MMP13: variants seen among roughly 807,000 people sequenced by gnomAD.
MMP13 encodes collagenase 3.
Under a neutral mutation model 52.1 loss-of-function variants are expected in MMP13, and 45 were observed. The ratio of observed to expected loss-of-function variants is 0.86; its 90% CI spans 0.68 to 1.11. The LOEUF is 1.11. Among genes scored for constraint, MMP13 ranks in the 50% least tolerant of loss-of-function variants. The pLI is 0.00. For missense variants in MMP13, 576 were observed against 583.8 expected, an observed-to-expected ratio of 0.99 and a Z score of 0.14; for synonymous variants, 200 against 204.4, an observed-to-expected ratio of 0.98 and a Z score of 0.18.
intron 3 of MMP13, 48 bp downstream of exon 3, chr11:102,954,410 C>A: frequency 2.5e-6 from 4 of 1,596,452 alleles, no homozygotes; most frequent in Non-Finnish European, 3.4e-6. Context: ...AAAATGGAAC[C>A]AAGAATTAGA....
rs997305004 is a variant in MMP13 at position 102,952,904 on chromosome 11, G to A, written c.638-731C>T. Among the ~76,000 whole-genome samples, 2 of 152,064 alleles carry A rather than the reference G, an allele frequency of 1.3e-5. No individual in the cohort carries two copies. Among genetic ancestry groups the A allele is most frequent in the Non-Finnish European group, 2.9e-5 (2 of 68,010 alleles). On this transcript the variant is annotated intron_variant, in intron 4 of 9. Transcript: ENST00000260302. The surrounding 1 kb of genome is among the most constrained non-coding windows in gnomAD (Gnocchi z 4.3). ...TAAAAAACTAAAAGAAAAATAAGAA[G>A]TGCAAGGCAATAGGATTGTTGTTAC...
At chr11:102,946,902 T>C (rs1860517482) in intron 8 of MMP13, among the ~76,000 whole-genome samples, 1 of 152,150 alleles carries the variant, frequency 6.6e-6, no homozygotes, top group African/African-American at 2.4e-5. Flanking sequence ...TGTGTGAGAC[T>C]GTGTGTATGT....
intron 5 of MMP13, among the ~76,000 whole-genome samples, 192 bp from the exon 6 acceptor site, chr11:102,950,419 C>A (rs144940482): frequency 6.6e-6 from 1 of 152,054 alleles, no homozygotes; most frequent in African/African-American, 2.4e-5. Flanking sequence ...CCACTTCCAT[C>A]CTTCAAGACC....
At chr11:102,947,781 G>A (rs1187480530) in intron 8 of MMP13, 110 bp downstream of exon 8, 1 of 1,227,342 alleles carries the variant, frequency 8.1e-7, no homozygotes, top group East Asian at 2.4e-5. Flanking sequence ...GAAAATGAAT[G>A]ACTAGTATGA....
In MMP13 at chr11:102,955,494, C is replaced by G. The variant is rs1170398739; in HGVS notation, c.121-1G>C. The G allele has an allele frequency of 1.2e-6, 2 of 1,613,966 alleles. No homozygotes were observed. Among genetic ancestry groups the G allele is most frequent in the Middle Eastern group, 1.7e-4 (1 of 6,060 alleles). ...GATGGTAGTATGATCTCAGGTAGCG[C>G]TAGAAAAGACACCAAAATGAACTGC... On this transcript the variant is annotated splice_acceptor_variant, in intron 1 of 9. Transcript: ENST00000260302. LOFTEE classifies it high-confidence loss of function. The surrounding 1 kb of genome is among the most constrained non-coding windows in gnomAD (Gnocchi z 4.9).
Position 102,943,993 on chromosome 11 carries a change from T to A in MMP13, c.*273A>T. 1 of 403,628 alleles carries A rather than the reference T, an allele frequency of 2.5e-6. No homozygotes were observed. Among genetic ancestry groups the A allele is most frequent in the Non-Finnish European group, 4.7e-6 (1 of 211,850 alleles). The allele number at this position is 403,628 out of a possible 1,614,324, so 25.0% of individuals were successfully genotyped here. On this transcript the variant is annotated 3_prime_UTR_variant, in exon 10 of 10. Transcript: ENST00000260302. ...CTCATTGACAGACCATGTGTCCCATTTGTGGTGTGGGAAGTATCATCAACC... is the reference window on the plus strand; with the variant it reads ...CTCATTGACAGACCATGTGTCCCATATGTGGTGTGGGAAGTATCATCAACC...
rs150142500 is a variant in MMP13 at position 102,955,621 on chromosome 11, C to G, written c.85G>C (p.Asp29His). ...TGGAGGTCTTCCTCAGACAAATCAT[C>G]TTCATCACCACCACTGGGAAGGGGC... ...ALPLPSGGDEDDLSEEDLQFA... is the reference protein window; with the variant it reads ...ALPLPSGGDEHDLSEEDLQFA... The change falls in exon 1 of 10, where the codon GAT (aspartate) becomes CAT (histidine). Residue 29 changes from aspartate to histidine, a missense_variant. Coordinates refer to ENST00000260302, the MANE Select transcript of MMP13 (RefSeq NM_002427.4). The surrounding 1 kb of genome is among the most constrained non-coding windows in gnomAD (Gnocchi z 4.9). 3 of 1,614,056 alleles carry G rather than the reference C, an allele frequency of 1.9e-6. No homozygotes were observed. Among genetic ancestry groups the G allele is most frequent in the African/African-American group, 1.3e-5 (1 of 75,036 alleles).
intron 8 of MMP13, among the ~76,000 whole-genome samples, chr11:102,947,480 T>C (rs11827044): frequency 0.067 from 10,154 of 151,822 alleles, 423 homozygotes; most frequent in East Asian, 0.12. Context: ...ACACAAGACA[T>C]GAGAATTGCT....
intron 8 of MMP13, 99 bp downstream of exon 8, chr11:102,947,792 C>T: frequency 7.6e-7 from 1 of 1,319,208 alleles, no homozygotes; most frequent in South Asian, 1.2e-5. Flanking sequence ...ACTAGTATGA[C>T]ATTTACAATA....
In MMP13 at chr11:102,955,504, C is replaced by T; in HGVS notation, c.121-11G>A. 6.2e-7 allele frequency: 1 copy of T among 1,614,014 alleles called. No homozygotes were observed. Among genetic ancestry groups the T allele is most frequent in the Non-Finnish European group, 8.5e-7 (1 of 1,179,918 alleles). ...TGATCTCAGGTAGCGCTAGAAAAGA[C>T]ACCAAAATGAACTGCGTTTAAAAGA... On this transcript the variant is annotated splice_polypyrimidine_tract_variant and intron_variant, in intron 1 of 9. Transcript: ENST00000260302. This position sits in a 1 kb window ranked among gnomAD's most constrained non-coding sequence, Gnocchi z 4.9.
In MMP13 at chr11:102,948,221, C is replaced by CA. The variant is rs550533738; in HGVS notation, c.1052-172dup. Among the ~76,000 whole-genome samples, 1,016 of 151,940 alleles carry CA rather than the reference C, an allele frequency of 6.7e-3. 6 individuals carry two copies. The highest frequency in any genetic ancestry group is 0.011 in the Non-Finnish European group (759 of 67,920). On this transcript the variant is annotated intron_variant, in intron 7 of 9. Coordinates refer to ENST00000260302, the MANE Select transcript of MMP13 (RefSeq NM_002427.4). ...CATAAAAATATAAGCATTCTTGAAA[C>CA]AAAAAAATAAAATTTAGGATCTTAA... is the stretch of plus-strand genomic sequence containing the variant.
At chr11:102,945,845 A>G in intron 8 of MMP13, 96 bp from the exon 9 acceptor site, 1 of 693,528 alleles carries the variant, frequency 1.4e-6, no homozygotes, top group Non-Finnish European at 2.4e-6. Context: ...CAAAATTGAC[A>G]AGAATTTTAA....
Position 102,949,651 on chromosome 11 carries a change from C to T in MMP13, c.917+459G>A, listed in dbSNP as rs1860576295. On this transcript the variant is annotated intron_variant, in intron 6 of 9. Coordinates refer to ENST00000260302, the MANE Select transcript of MMP13 (RefSeq NM_002427.4). This position sits in a 1 kb window ranked among gnomAD's most constrained non-coding sequence, Gnocchi z 4.2. ...ATCAATGAATGAATGAATAAACAAG[C>T]ATACTGGAACAGTGTAGAAATTAAA... 6.6e-6 allele frequency among the ~76,000 whole-genome samples: 1 copy of T among 152,136 alleles called. No homozygotes were observed. Among genetic ancestry groups the T allele is most frequent in the Non-Finnish European group, 1.5e-5 (1 of 68,010 alleles).
rs868134896 is a variant in MMP13 at position 102,955,676 on chromosome 11, G to T, written c.30C>A (p.Leu10=). The T allele has an allele frequency of 1.9e-6, 3 of 1,613,956 alleles. No homozygotes were observed. Among genetic ancestry groups the T allele is most frequent in the Non-Finnish European group, 2.5e-6 (3 of 1,179,888 alleles). The change falls in exon 1 of 10, where the codon CTC becomes CTA. Residue 10 remains leucine (L), a synonymous_variant. Transcript: ENST00000260302. The surrounding 1 kb of genome is among the most constrained non-coding windows in gnomAD (Gnocchi z 4.9). MHPGVLAAF[L]FLSWTHCRAL... ...CCCGACAATGAGTCCAGCTCAAGAA[G>T]AGGAAGGCAGCCAGGACCCCTGGAT...
rs1457541731 is a variant in MMP13 at position 102,954,547 on chromosome 11, G to C, written c.422C>G (p.Ala141Gly). The change falls in exon 3 of 10, where the codon GCC becomes GGC. Residue 141 changes from alanine to glycine, a missense_variant. Ala to Gly is a moderately conservative substitution (Grantham distance 60). Transcript: ENST00000260302. ...HSEVEKAFKKAFKVWSDVTPL... is the reference protein window; with the variant it reads ...HSEVEKAFKKGFKVWSDVTPL... ...AGTTACATCGGACCAAACTTTGAAG[G>C]CTTTTTTGAATGCCTTTTCGACTTC... 11 of 1,613,578 alleles carry C rather than the reference G, an allele frequency of 6.8e-6. No homozygotes were observed. The highest frequency in any genetic ancestry group is 2.2e-5 in the South Asian group (2 of 91,062).
In MMP13 at chr11:102,954,319, C is replaced by G. The variant is rs774880084; in HGVS notation, c.512-38G>C. 1.9e-6 allele frequency: 3 copies of G among 1,613,266 alleles called. No individual in the cohort carries two copies. In the South Asian group the frequency reaches 3.3e-5, roughly 18 times the overall value. On this transcript the variant is annotated intron_variant, in intron 3 of 9. Transcript: ENST00000260302. The stretch of plus-strand genomic sequence containing the variant: ...GCAAGGGTTAGGAGTCTTATCACAT[C>G]CAGGAGTACTTAGCACAGGTGTTTG...
At position 102,955,378 on chromosome 11, in the gene MMP13, A is replaced by G; in HGVS notation, c.236T>C (p.Val79Ala). ...GGTGTTATCGTCAAGTTTGCCAGTC[A>G]CCTCTAAGCCGAAGAAAGACTGCAT... Reference protein sequence around the residue: ...REMQSFFGLEVTGKLDDNTLD... With the variant: ...REMQSFFGLEATGKLDDNTLD... The change falls in exon 2 of 10, where the codon GTG becomes GCG. Residue 79 changes from valine (V) to alanine (A), a missense_variant. Coordinates refer to ENST00000260302, the MANE Select transcript of MMP13 (RefSeq NM_002427.4). The surrounding 1 kb of genome is among the most constrained non-coding windows in gnomAD (Gnocchi z 4.9). 6.2e-7 allele frequency: 1 copy of G among 1,613,940 alleles called. No individual in the cohort carries two copies. Among genetic ancestry groups the G allele is most frequent in the Non-Finnish European group, 8.5e-7 (1 of 1,179,912 alleles).
chr11:102,950,652 A>C (rs1399874909), intron 5 of MMP13, among the ~76,000 whole-genome samples: 1 of 152,140 alleles, frequency 6.6e-6, no homozygotes, highest in Non-Finnish European at 1.5e-5. Flanking sequence ...CCAGCTGTCA[A>C]CATCAGCTAA....
intron 8 of MMP13, among the ~76,000 whole-genome samples, chr11:102,947,200 T>C (rs1860523147): frequency 1.3e-5 from 2 of 152,192 alleles, no homozygotes; most frequent in Non-Finnish European, 2.9e-5. Context: ...CTCATGCTGG[T>C]ATCCTCTTTG....
Sources: allele counts gnomAD v4.1 joint callset (sites outside exome capture counted in the v4.1 genomes callset), GRCh38; gene constraint gnomAD v4.1.1; non-coding constraint Gnocchi (gnomAD v3.1); transcripts MANE v1.5; gene names NCBI Gene and HGNC (gene_info 2026-07-23, HGNC 2026-07-21).